The following RSU1 variants were observed in gnomAD, a reference collection of about 807,000 sequenced individuals.
RSU1 encodes the protein Ras suppressor protein 1, also known as rsu-1.
A neutral mutation model predicts 31.1 loss-of-function variants in RSU1; 26 were observed. The ratio of observed to expected loss-of-function variants is 0.84; its 90% CI spans 0.61 to 1.16. RSU1 has a LOEUF of 1.16. Ranked by LOEUF, RSU1 falls within the 50% of genes most tolerant of loss-of-function variation. The probability of loss-of-function intolerance (pLI) is 0.00; values close to 1 mark genes in which losing one functional copy is unlikely to be tolerated. For synonymous variants in RSU1, 164 were observed against 136.3 expected, an observed-to-expected ratio of 1.20 and a Z score of -1.41; for missense variants, 320 against 339.1, an observed-to-expected ratio of 0.94 and a Z score of 0.44.
chr10:16,652,158 G>A (rs918859903), intron 8 of RSU1, among the ~76,000 whole-genome samples: 3 of 152,106 alleles, frequency 2.0e-5, no homozygotes, highest in African/African-American at 7.2e-5. Flanking sequence ...TCTAAAGGTT[G>A]TGCTAAACTG....
intron 8 of RSU1, among the ~76,000 whole-genome samples, chr10:16,641,491 CA>C (rs59893762): frequency 0.068 from 7,759 of 114,208 alleles, 207 homozygotes; most frequent in Non-Finnish European, 0.081. Context: ...GACTTTATCT[CA>C]AAAAAAAAAA....
At position 16,791,807 on chromosome 10, in the gene RSU1, ACAGCC is replaced by A. The variant is rs554416583; in HGVS notation, c.110-9728_110-9724del. 3.9e-5 allele frequency among the ~76,000 whole-genome samples: 6 copies of A among 152,348 alleles called. No homozygotes were observed. The South Asian group carries it at 1.2e-3, about 32-fold the overall frequency. ...AGGCAAAATAAGCAGGATAAAATCCACAGCCCTGTAAGATGACATTACAGACTCGT... is the reference window on the plus strand; with the variant it reads ...AGGCAAAATAAGCAGGATAAAATCCACTGTAAGATGACATTACAGACTCGT... On this transcript the variant is annotated intron_variant, in intron 2 of 8. Coordinates refer to ENST00000345264, the MANE Select transcript of RSU1 (RefSeq NM_012425.4).
At chr10:16,691,134 C>G (rs766152937) in intron 8 of RSU1, among the ~76,000 whole-genome samples, 1 of 152,146 alleles carries the variant, frequency 6.6e-6, no homozygotes, top group Non-Finnish European at 1.5e-5. Flanking sequence ...CCCCTGAAGG[C>G]TGCCACATGT....
rs116073278 is a variant in RSU1 at position 16,593,152 on chromosome 10, G to A, written c.*242C>T. 5.8e-4 allele frequency: 342 copies of A among 590,188 alleles called. 1 individual carries two copies. Among genetic ancestry groups the A allele is most frequent in the African/African-American group, 5.8e-3 (311 of 53,838 alleles). 36.6% of individuals were successfully genotyped at this position (590,188 alleles called of 1,614,324 possible). On this transcript the variant is annotated 3_prime_UTR_variant, in exon 9 of 9. Transcript: ENST00000345264. ...CTATGGAATTCGCAGTTGAATAAGA[G>A]CTTTGTTCCCTGCTTTTGGTAATGT...
Position 16,814,737 on chromosome 10 carries a change from C to T in RSU1, c.109+2236G>A, listed in dbSNP as rs560031642. ...CTTCCACCCAACTTCCCAAAAAGTA[C>T]TATTATCCGTTGTTAGCTACTTCTT... On this transcript the variant is annotated intron_variant, in intron 2 of 8. Coordinates refer to ENST00000345264, the MANE Select transcript of RSU1 (RefSeq NM_012425.4). 2.6e-5 allele frequency among the ~76,000 whole-genome samples: 4 copies of T among 152,306 alleles called. No individual in the cohort carries two copies. In the South Asian group the frequency reaches 8.3e-4, roughly 32 times the overall value.
At chr10:16,662,960 C>T (rs1382198498) in intron 8 of RSU1, among the ~76,000 whole-genome samples, 1 of 146,996 alleles carries the variant, frequency 6.8e-6, no homozygotes, top group Non-Finnish European at 1.5e-5. Context: ...TCGGGGGCAT[C>T]TCTCAGCAAT....
At chr10:16,644,493 T>C (rs868746203) in intron 8 of RSU1, among the ~76,000 whole-genome samples, 5 of 152,216 alleles carry the variant, frequency 3.3e-5, no homozygotes, top group Non-Finnish European at 4.4e-5. Flanking sequence ...CTTGGATATA[T>C]GTGCTATAAC....
At chr10:16,690,395 C>T (rs889221496) in intron 8 of RSU1, among the ~76,000 whole-genome samples, 13 of 152,136 alleles carry the variant, frequency 8.5e-5, no homozygotes, top group Admixed American at 3.9e-4. Context: ...GTGGAAGGCA[C>T]GAAAGATGAA....
chr10:16,613,657 G>A (rs1833929764), intron 8 of RSU1, among the ~76,000 whole-genome samples: 1 of 152,156 alleles, frequency 6.6e-6, no homozygotes, highest in African/African-American at 2.4e-5. Context: ...TCCCTTTTCA[G>A]GGAAATCTAG....
chr10:16,686,130 A>C (rs1835435811), intron 8 of RSU1, among the ~76,000 whole-genome samples: 1 of 152,214 alleles, frequency 6.6e-6, no homozygotes, highest in African/African-American at 2.4e-5. Flanking sequence ...TAAAAATTTA[A>C]AAAACCCCAC....
Position 16,730,527 on chromosome 10 carries a change from C to G in RSU1, c.598+22012G>C, listed in dbSNP as rs182740808. On this transcript the variant is annotated intron_variant, in intron 7 of 8. Transcript: ENST00000345264. ...GGTACCCTATTAGCCAACCCCCCAG[C>G]TGACCCCACATTCAGGAGAGAGCCC... 8.2e-4 allele frequency among the ~76,000 whole-genome samples: 125 copies of G among 152,276 alleles called. 1 individual carries two copies. Among genetic ancestry groups the G allele is most frequent in the Admixed American group, 2.3e-3 (35 of 15,300 alleles).
At position 16,771,945 on chromosome 10, in the gene RSU1, G is replaced by C. The variant is rs79031808; in HGVS notation, c.161-7435C>G. Among the ~76,000 whole-genome samples the C allele has an allele frequency of 3.4e-3, 512 of 152,288 alleles. 4 individuals are homozygous for C. The highest frequency in any genetic ancestry group is 0.012 in the African/African-American group (498 of 41,562). On this transcript the variant is annotated intron_variant, in intron 3 of 8. Transcript: ENST00000345264. Reference sequence around the variant, plus strand: ...AAAGGCCAACATCCTCCAATTATTAGCTTTATAAATAACAATGGTAATGTA... The same window carrying C: ...AAAGGCCAACATCCTCCAATTATTACCTTTATAAATAACAATGGTAATGTA...
chr10:16,685,707 T>C (rs12761220), intron 8 of RSU1, among the ~76,000 whole-genome samples: 26,813 of 152,116 alleles, frequency 0.18, 2,480 homozygotes, highest in Middle Eastern at 0.2. Context: ...ATGACCCGTA[T>C]TTTGTGCTGA....
chr10:16,745,143 T>A (rs896701072), intron 7 of RSU1, among the ~76,000 whole-genome samples: 2 of 152,208 alleles, frequency 1.3e-5, no homozygotes, highest in Admixed American at 6.5e-5. Context: ...TTCAGAAAGC[T>A]GGTCTCTAAA....
intron 8 of RSU1, among the ~76,000 whole-genome samples, chr10:16,674,686 G>A (rs759136663): frequency 7.2e-5 from 11 of 152,122 alleles, no homozygotes; most frequent in Non-Finnish European, 1.5e-4. Flanking sequence ...TTGCTGAGAT[G>A]GCATTTGAAC....
chr10:16,691,379 G>GTTT (rs371190541), intron 8 of RSU1, among the ~76,000 whole-genome samples: 43,328 of 133,280 alleles, frequency 0.33, 7,282 homozygotes, highest in Middle Eastern at 0.4. Context: ...TTTTTGTGCA[G>GTTT]TTTTTTTTTT....
intron 8 of RSU1, among the ~76,000 whole-genome samples, chr10:16,654,361 CAAAAAAA>C (rs536600415): frequency 1.1e-5 from 1 of 92,286 alleles, no homozygotes; most frequent in Non-Finnish European, 2.3e-5. Context: ...CCTAAATTTG[CAAAAAAA>C]AAAAAAAAAA....
chr10:16,686,435 T>C (rs969308305), intron 8 of RSU1, among the ~76,000 whole-genome samples: 2 of 152,212 alleles, frequency 1.3e-5, no homozygotes, highest in Non-Finnish European at 1.5e-5. Flanking sequence ...AATAGTTCAA[T>C]ATGATTATAT....
intron 7 of RSU1, among the ~76,000 whole-genome samples, 176 bp downstream of exon 7, chr10:16,752,363 G>A (rs1485489969): frequency 2.6e-5 from 4 of 152,168 alleles, no homozygotes; most frequent in African/African-American, 9.7e-5. Context: ...ATCCGGGAAG[G>A]TCAAACCTGT....
Sources: allele counts gnomAD v4.1 joint callset (sites outside exome capture counted in the v4.1 genomes callset), GRCh38; gene constraint gnomAD v4.1.1; transcripts MANE v1.5; gene names NCBI Gene and HGNC (gene_info 2026-07-23, HGNC 2026-07-21).